Variants in ARMH3 observed in about 807,000 individuals in gnomAD.
The protein encoded by ARMH3 is armadillo like helical domain containing 3.
ARMH3 carries 60 observed loss-of-function variants against 99.1 expected under a neutral mutation model. The observed-to-expected ratio is 0.61, with a 90% CI of 0.49 to 0.75. The LOEUF (loss-of-function observed/expected upper bound fraction) is 0.75. ARMH3 is among the 30% of genes least tolerant of loss of function. The pLI is 0.00. For synonymous variants in ARMH3, 285 were observed against 292.8 expected, an observed-to-expected ratio of 0.97 and a Z score of 0.27; for missense variants, 679 against 843.1, an observed-to-expected ratio of 0.81 and a Z score of 2.41.
chr10:101,999,393 T>C (rs2066295322), intron 15 of ARMH3, among the ~76,000 whole-genome samples: 1 of 152,078 alleles, frequency 6.6e-6, no homozygotes, highest in Non-Finnish European at 1.5e-5. Flanking sequence ...GGTTTCACCA[T>C]GTTGGCCAGG....
At chr10:102,001,304 G>C (rs924008569) in intron 15 of ARMH3, among the ~76,000 whole-genome samples, 5 of 151,980 alleles carry the variant, frequency 3.3e-5, no homozygotes, top group African/African-American at 1.2e-4. Flanking sequence ...ACAAAACTAA[G>C]ATATATACTG....
At chr10:101,967,660 C>T (rs1404364638) in intron 20 of ARMH3, among the ~76,000 whole-genome samples, 1 of 152,100 alleles carries the variant, frequency 6.6e-6, no homozygotes, top group Non-Finnish European at 1.5e-5. Context: ...TTGCTTGAAC[C>T]AGGGAGGCAG....
chr10:101,860,141 C>T (rs1589917608), intron 24 of ARMH3, among the ~76,000 whole-genome samples: 1 of 152,104 alleles, frequency 6.6e-6, no homozygotes, highest in East Asian at 1.9e-4. Flanking sequence ...CATAAAAATG[C>T]TCACTATATA....
intron 19 of ARMH3, among the ~76,000 whole-genome samples, chr10:101,990,179 CTTT>C (rs762793068): frequency 1.5e-5 from 2 of 134,576 alleles, no homozygotes; most frequent in African/African-American, 2.7e-5. Context: ...CATGAACTTT[CTTT>C]TTTTTTTTTT....
intron 23 of ARMH3, among the ~76,000 whole-genome samples, chr10:101,919,785 T>C (rs1489989721): frequency 1.3e-5 from 2 of 152,210 alleles, no homozygotes; most frequent in Admixed American, 6.5e-5. Context: ...TTCTTCTAGA[T>C]TTTAACCCTT....
intron 23 of ARMH3, among the ~76,000 whole-genome samples, chr10:101,935,763 C>G (rs561065156): frequency 6.6e-6 from 1 of 152,320 alleles, no homozygotes; most frequent in Admixed American, 6.5e-5. Flanking sequence ...CTTAAAAATC[C>G]TTTTCAGGTG....
chr10:101,855,185 A>G, intron 24 of ARMH3, among the ~76,000 whole-genome samples: 1 of 126,098 alleles, frequency 7.9e-6, no homozygotes, highest in African/African-American at 3.1e-5. Context: ...CTCCTGCCTC[A>G]GCCTCCCAAG....
At chr10:102,032,829 A>G (rs1371880122) in intron 4 of ARMH3, 197 bp downstream of exon 4, 1 of 549,062 alleles carries the variant, frequency 1.8e-6, no homozygotes, top group Non-Finnish European at 3.1e-6. Flanking sequence ...ATACAAATGG[A>G]TACGATTACT....
chr10:101,959,156 G>T (rs1389968321), intron 20 of ARMH3, among the ~76,000 whole-genome samples: 1 of 152,152 alleles, frequency 6.6e-6, no homozygotes, highest in Non-Finnish European at 1.5e-5. Flanking sequence ...TGTTGGACTG[G>T]GGGGACAAAA....
chr10:102,015,768 G>A (rs933667675), intron 8 of ARMH3, among the ~76,000 whole-genome samples: 8 of 152,118 alleles, frequency 5.3e-5, no homozygotes, highest in African/African-American at 1.9e-4. Flanking sequence ...TAATTGTGAC[G>A]AATTAGGCAC....
chr10:101,946,425 T>C (rs1267007213), intron 22 of ARMH3, among the ~76,000 whole-genome samples: 1 of 151,784 alleles, frequency 6.6e-6, no homozygotes, highest in Non-Finnish European at 1.5e-5. Context: ...GGTAGGAGGA[T>C]CACTTGAGCC....
intron 2 of ARMH3, 50 bp from the exon 3 acceptor site, chr10:102,033,389 C>T (rs1274925332): frequency 3.9e-6 from 6 of 1,554,592 alleles, no homozygotes; most frequent in Non-Finnish European, 5.3e-6. Context: ...ACACCAAAAG[C>T]ATTAAGAATA....
At chr10:102,006,977 A>T (rs2066506654) in intron 13 of ARMH3, among the ~76,000 whole-genome samples, 1 of 151,884 alleles carries the variant, frequency 6.6e-6, no homozygotes, top group Admixed American at 6.6e-5. Flanking sequence ...CCTGGCCAAC[A>T]CGGTGAAACC....
chr10:102,000,642 C>T (rs933966379), intron 15 of ARMH3, among the ~76,000 whole-genome samples: 2 of 150,706 alleles, frequency 1.3e-5, no homozygotes, highest in African/African-American at 2.4e-5. Context: ...TAATGGTGCA[C>T]ACCTGTAGTC....
chr10:101,964,130 C>G (rs1039929845), intron 20 of ARMH3, among the ~76,000 whole-genome samples: 3 of 152,204 alleles, frequency 2.0e-5, no homozygotes, highest in Admixed American at 6.5e-5. Flanking sequence ...CCCACTTCGG[C>G]CTCCCAAAGT....
chr10:101,897,123 T>C (rs745640914), intron 23 of ARMH3, among the ~76,000 whole-genome samples: 4 of 152,090 alleles, frequency 2.6e-5, no homozygotes, highest in Non-Finnish European at 5.9e-5. Flanking sequence ...GGAAACAGAA[T>C]TGGGAAGAGG....
chr10:101,977,236 C>T (rs971773270), intron 19 of ARMH3, among the ~76,000 whole-genome samples: 3 of 152,086 alleles, frequency 2.0e-5, no homozygotes, highest in Non-Finnish European at 4.4e-5. Context: ...ATATATGTTT[C>T]TGAGAGTATT....
chr10:102,013,293 A>C (rs947372032), intron 9 of ARMH3, among the ~76,000 whole-genome samples: 5 of 152,258 alleles, frequency 3.3e-5, no homozygotes, highest in African/African-American at 1.2e-4. Flanking sequence ...ACTTTCTTTA[A>C]AGCCACAGGA....
intron 23 of ARMH3, among the ~76,000 whole-genome samples, chr10:101,892,265 T>A (rs1045703670): frequency 6.6e-6 from 1 of 151,708 alleles, no homozygotes; most frequent in Non-Finnish European, 1.5e-5. Flanking sequence ...AGCAACATGG[T>A]GAGACCTTGT....
Sources: allele counts gnomAD v4.1 joint callset (sites outside exome capture counted in the v4.1 genomes callset), GRCh38; gene constraint gnomAD v4.1.1; transcripts MANE v1.5; gene names NCBI Gene and HGNC (gene_info 2026-07-23, HGNC 2026-07-21).